The following PCDHGA1 variants were observed in gnomAD, a reference collection of about 807,000 sequenced individuals.
The protein encoded by PCDHGA1 is protocadherin gamma-A1.
In PCDHGA1, 32 loss-of-function variants were observed where a neutral mutation model predicts 58.0. The observed-to-expected ratio is 0.55, with a 90% CI of 0.42 to 0.74. PCDHGA1 has a LOEUF of 0.74. Among genes scored for constraint, PCDHGA1 ranks in the 30% least tolerant of loss-of-function variants. The pLI is 0.00. For missense variants in PCDHGA1, 1,205 were observed against 1,182.3 expected, an observed-to-expected ratio of 1.02 and a Z score of -0.28; for synonymous variants, 498 against 501.1, an observed-to-expected ratio of 0.99 and a Z score of 0.08.
intron 1 of PCDHGA1, among the ~76,000 whole-genome samples, chr5:141,460,173 A>C (rs2098983888): frequency 6.6e-6 from 1 of 152,004 alleles, no homozygotes; most frequent in Admixed American, 6.6e-5. Flanking sequence ...TATTTTGTGG[A>C]TATTTTATCC....
chr5:141,372,672 T>A, intron 1 of PCDHGA1: 1 of 1,613,978 alleles, frequency 6.2e-7, no homozygotes. Context: ...TGCCTCACAT[T>A]CCTCAAACAC....
chr5:141,405,638 CT>C lies in PCDHGA1; in HGVS notation c.2421+72534del. ...TACAGGCACGTGCCACCACGCCCGG[CT>C]AATTTTTTGTGTGTTTTTAGTAGAG... is the stretch of plus-strand genomic sequence containing the variant. On this transcript the variant is annotated intron_variant, in intron 1 of 3. Coordinates refer to ENST00000517417, the MANE Select transcript of PCDHGA1 (RefSeq NM_018912.3). 3 of 528,680 alleles carry C rather than the reference CT, an allele frequency of 5.7e-6. No individual in the cohort carries two copies. The East Asian group carries it at 9.4e-5, about 17-fold the overall frequency. 32.7% of individuals were successfully genotyped at this position (528,680 alleles called of 1,614,324 possible).
At chr5:141,415,116 A>T in intron 1 of PCDHGA1, 1 of 1,613,652 alleles carries the variant, frequency 6.2e-7, no homozygotes, top group Non-Finnish European at 8.5e-7. Flanking sequence ...AAAGCCTCGT[A>T]GTGGCCGTCC....
At chr5:141,414,878 A>G in intron 1 of PCDHGA1, 2 of 1,614,026 alleles carry the variant, frequency 1.2e-6, no homozygotes, top group Non-Finnish European at 1.7e-6. Context: ...GAGATCCTGT[A>G]CCCCGCCCTC....
intron 1 of PCDHGA1, chr5:141,433,149 C>A (rs758972664): frequency 1.2e-6 from 2 of 1,613,856 alleles, no homozygotes; most frequent in Non-Finnish European, 1.7e-6. Context: ...TCAGGTGATT[C>A]GGTATTTTCT....
intron 1 of PCDHGA1, chr5:141,376,469 G>A: frequency 6.2e-7 from 1 of 1,614,186 alleles, no homozygotes; most frequent in Non-Finnish European, 8.5e-7. Flanking sequence ...GATAACTCAG[G>A]ATTTACTTGA....
chr5:141,354,886 C>G (rs1759661341), intron 1 of PCDHGA1: 1 of 380,350 alleles, frequency 2.6e-6, no homozygotes, highest in Non-Finnish European at 4.6e-6. Flanking sequence ...ACTTTATTAT[C>G]TTGGGAGAAA....
At chr5:141,420,073 G>A (rs2096463936) in intron 1 of PCDHGA1, 23 of 1,613,964 alleles carry the variant, frequency 1.4e-5, no homozygotes, top group Non-Finnish European at 1.9e-5. Context: ...CCGGACCTGT[G>A]GGTCCCCCCA....
At chr5:141,360,233 TC>T in intron 1 of PCDHGA1, 1 of 1,613,862 alleles carries the variant, frequency 6.2e-7, no homozygotes, top group Non-Finnish European at 8.5e-7. Context: ...CCAGTCCAGA[TC>T]CGCTATTCAA....
At chr5:141,345,989 C>G (rs1224103183) in intron 1 of PCDHGA1, 1 of 1,613,424 alleles carries the variant, frequency 6.2e-7, no homozygotes, top group Non-Finnish European at 8.5e-7. Flanking sequence ...ACGGCCAGCC[C>G]CCTCTCTCCG....
At chr5:141,503,743 G>C (rs1465272424) in intron 2 of PCDHGA1, among the ~76,000 whole-genome samples, 1 of 152,126 alleles carries the variant, frequency 6.6e-6, no homozygotes, top group Non-Finnish European at 1.5e-5. Context: ...TGATGGTATA[G>C]AGGTCACACA....
At position 141,351,605 on chromosome 5, in the gene PCDHGA1, C is replaced by T. The variant is rs373905921; in HGVS notation, c.2421+18500C>T. ...CATCAACGACAATGCACCTGTTTTC[C>T]ATCAGGCCTCCTATGTGGTCCACGT... On this transcript the variant is annotated intron_variant, in intron 1 of 3. Transcript: ENST00000517417. The T allele has an allele frequency of 8.1e-5, 130 of 1,613,938 alleles. No individual in the cohort carries two copies. The highest frequency in any genetic ancestry group is 1.1e-4 in the Non-Finnish European group (127 of 1,179,904).
intron 1 of PCDHGA1, chr5:141,393,352 T>G: frequency 1.2e-6 from 2 of 1,613,956 alleles, no homozygotes; most frequent in African/African-American, 2.7e-5. Context: ...CACTTCTCCC[T>G]GGACGTGCAG....
chr5:141,341,284 C>T (rs746244855), intron 1 of PCDHGA1: 3 of 1,614,236 alleles, frequency 1.9e-6, no homozygotes, highest in East Asian at 2.2e-5. Flanking sequence ...TGATTTTCCC[C>T]CAGCCCAACT....
intron 1 of PCDHGA1, chr5:141,428,826 A>G (rs190740602): frequency 1.3e-5 from 2 of 149,304 alleles, no homozygotes; most frequent in South Asian, 2.1e-4. Context: ...GCTTTCATGT[A>G]TTTTTGAAAC....
chr5:141,422,211 CTT>C (rs1339862278), intron 1 of PCDHGA1: 1 of 1,563,166 alleles, frequency 6.4e-7, no homozygotes, highest in African/African-American at 1.4e-5. Context: ...GTGGAGGTCT[CTT>C]TACCACCACG....
At position 141,382,776 on chromosome 5, in the gene PCDHGA1, A is replaced by T. The variant is rs572614689; in HGVS notation, c.2421+49671A>T. 1.1e-5 allele frequency: 9 copies of T among 809,964 alleles called. No homozygotes were observed. In the South Asian group the frequency reaches 1.8e-4, roughly 17 times the overall value. The allele number at this position is 809,964 out of a possible 1,614,324, so 50.2% of individuals were successfully genotyped here. A position where few individuals can be genotyped will look rare whatever the true frequency, so the allele number is the denominator to read the frequency against. On this transcript the variant is annotated intron_variant, in intron 1 of 3. Coordinates refer to ENST00000517417, the MANE Select transcript of PCDHGA1 (RefSeq NM_018912.3). Reference sequence around the variant, plus strand: ...TAAGCCCTCTTCCAGGCTGCACTAAACTCAAGCCTCTATCCTGCTGGATTC... The same window carrying T: ...TAAGCCCTCTTCCAGGCTGCACTAATCTCAAGCCTCTATCCTGCTGGATTC...
chr5:141,345,644 C>A, intron 1 of PCDHGA1: 1 of 1,614,206 alleles, frequency 6.2e-7, no homozygotes, highest in Non-Finnish European at 8.5e-7. Flanking sequence ...CCAGCGACAG[C>A]GGGAACCCTC....
rs772444495 is a variant in PCDHGA1 at position 141,491,766 on chromosome 5, T to C, written c.2422-3041T>C. 14 of 1,567,738 alleles carry C rather than the reference T, an allele frequency of 8.9e-6. No homozygotes were observed. The African/African-American group carries it at 1.6e-4, about 18-fold the overall frequency. ...GCACTGGAGAAGCCGCCCGTCCTCA[T>C]AAGGGATTGAACTTGCATCCACTCC... On this transcript the variant is annotated intron_variant, in intron 1 of 3. Coordinates refer to ENST00000517417, the MANE Select transcript of PCDHGA1 (RefSeq NM_018912.3). The surrounding 1 kb of genome is among the most constrained non-coding windows in gnomAD (Gnocchi z 6.9).
Sources: gnomAD v4.1 joint callset for allele counts (sites outside exome capture counted in the v4.1 genomes callset) on GRCh38, gnomAD v4.1.1 for gene constraint, Gnocchi (gnomAD v3.1) non-coding constraint, MANE v1.5 for transcripts, NCBI Gene and HGNC (gene_info 2026-07-23, HGNC 2026-07-21) for gene names.